Variants in SCIMP observed in about 807,000 individuals in gnomAD.
SCIMP encodes SLP adapter and CSK-interacting membrane protein.
A neutral mutation model predicts 22.0 loss-of-function variants in SCIMP; 18 were observed. The ratio of observed to expected loss-of-function variants is 0.82; its 90% CI spans 0.56 to 1.21. The LOEUF is 1.21. Ranked by LOEUF, SCIMP falls within the 50% of genes most tolerant of loss-of-function variation. The probability of loss-of-function intolerance (pLI) is 0.00; values close to 1 mark genes in which losing one functional copy is unlikely to be tolerated. For missense variants in SCIMP, 155 were observed against 171.2 expected (o/e 0.91, Z 0.53); for synonymous variants, 53 against 62.2 (o/e 0.85, Z 0.70).
chr17:5,219,733 C>A (rs1046961357), intron 3 of SCIMP, among the ~76,000 whole-genome samples: 2 of 152,100 alleles, frequency 1.3e-5, no homozygotes, highest in Non-Finnish European at 2.9e-5. Context: ...TTTTTGTTTG[C>A]CTGGGGCCCT....
intron 2 of SCIMP, 84 bp downstream of exon 2, chr17:5,223,245 GGATT>G: frequency 7.0e-7 from 1 of 1,432,668 alleles, no homozygotes; most frequent in Non-Finnish European, 9.7e-7. Flanking sequence ...TTCAGGCCCA[GGATT>G]GATTTGCTTG....
rs1339856421 is a variant in SCIMP, at chr17:5,228,352, A to AAAG, written c.22-4897_22-4896insCTT. Among the ~76,000 whole-genome samples, 3 of 149,456 alleles carry AAAG rather than the reference A, an allele frequency of 2.0e-5. No individual in the cohort carries two copies. The East Asian group carries it at 6.0e-4, about 30-fold the overall frequency. On this transcript the variant is annotated intron_variant, in intron 1 of 4. Coordinates refer to ENST00000574081, the MANE Select transcript of SCIMP (RefSeq NM_207103.3). ...CAGAGCCAAATCTTGTCTCAAAAAA[A>AAAG]AAAAAAATGCATTGAGCACAGTGGC...
At chr17:5,226,789 A>C (rs1264479489) in intron 1 of SCIMP, among the ~76,000 whole-genome samples, 1 of 151,908 alleles carries the variant, frequency 6.6e-6, no homozygotes. Flanking sequence ...GATTACAGGC[A>C]TGAGCCACCA....
intron 4 of SCIMP, among the ~76,000 whole-genome samples, chr17:5,212,121 A>G (rs2074530341): frequency 6.6e-6 from 1 of 152,202 alleles, no homozygotes; most frequent in Non-Finnish European, 1.5e-5. Flanking sequence ...TAATAGAAGG[A>G]TGATGAAACA....
At chr17:5,231,021 A>C (rs941822696) in intron 1 of SCIMP, among the ~76,000 whole-genome samples, 1 of 152,208 alleles carries the variant, frequency 6.6e-6, no homozygotes, top group Non-Finnish European at 1.5e-5. Context: ...TTCCTGCTGG[A>C]TAACATCTCT....
intron 1 of SCIMP, 68 bp downstream of exon 1, chr17:5,234,667 G>T: frequency 1.3e-6 from 2 of 1,547,682 alleles, no homozygotes; most frequent in East Asian, 2.3e-5. Context: ...ACGCCCTGAT[G>T]CCAGCGCTGG....
intron 1 of SCIMP, among the ~76,000 whole-genome samples, chr17:5,224,739 G>A (rs1234885914): frequency 6.6e-6 from 1 of 152,202 alleles, no homozygotes; most frequent in Non-Finnish European, 1.5e-5. Flanking sequence ...ATAGGTGCAA[G>A]CCACCATGCC....
intron 3 of SCIMP, among the ~76,000 whole-genome samples, chr17:5,217,971 C>G (rs1255923252): frequency 6.6e-6 from 1 of 152,028 alleles, no homozygotes; most frequent in Non-Finnish European, 1.5e-5. Context: ...AGTTCTAGAT[C>G]CCTGAGGAAT....
Position 5,234,819 on chromosome 17 carries a change from G to T in SCIMP, c.-64C>A, listed in dbSNP as rs2074731756. 10 of 1,576,372 alleles carry T rather than the reference G, an allele frequency of 6.3e-6. No homozygotes were observed. The highest frequency in any genetic ancestry group is 3.5e-4 in the Middle Eastern group (2 of 5,736). ...GCAGCTCAGGCACAGCTGGTGAGAG[G>T]CATTCCTCACTCACAGGCCTTCACC... is the stretch of plus-strand genomic sequence containing the variant. On this transcript the variant is annotated 5_prime_UTR_variant, in exon 1 of 5. Transcript: ENST00000574081.
At chr17:5,221,118 G>A (rs2074603779) in intron 3 of SCIMP, 169 bp downstream of exon 3, 1 of 701,950 alleles carries the variant, frequency 1.4e-6, no homozygotes. Flanking sequence ...CATCGACAAT[G>A]TCCTGAGTCT....
intron 3 of SCIMP, 87 bp from the exon 4 acceptor site, chr17:5,215,085 G>A: frequency 1.2e-6 from 1 of 820,152 alleles, no homozygotes; most frequent in South Asian, 1.4e-5. Context: ...CAAGGAAAGT[G>A]AATGGGTTGA....
At chr17:5,211,754 G>C (rs568222965) in intron 4 of SCIMP, among the ~76,000 whole-genome samples, 2 of 152,154 alleles carry the variant, frequency 1.3e-5, no homozygotes, top group Admixed American at 6.6e-5. Context: ...GGTGGAATTA[G>C]TACAGAACAG....
chr17:5,213,207 A>C (rs1261464874), intron 4 of SCIMP: 1 of 983,456 alleles, frequency 1.0e-6, no homozygotes, highest in African/African-American at 1.8e-5. Context: ...CCCTTATATC[A>C]GGCTATTGGG....
At chr17:5,231,410 C>T (rs907108453) in intron 1 of SCIMP, among the ~76,000 whole-genome samples, 10 of 151,696 alleles carry the variant, frequency 6.6e-5, no homozygotes, top group African/African-American at 2.2e-4. Flanking sequence ...AACTTGGGGT[C>T]AGCTCTTATC....
Position 5,210,232 on chromosome 17 carries a change from G to A in SCIMP, c.*569C>T, listed in dbSNP as rs1236990870. 2.0e-5 allele frequency: 3 copies of A among 152,386 alleles called. No individual in the cohort carries two copies. Among genetic ancestry groups the A allele is most frequent in the Non-Finnish European group, 2.9e-5 (2 of 68,282 alleles). The allele number at this position is 152,386 out of a possible 1,614,324, so 9.4% of individuals were successfully genotyped here. A position where few individuals can be genotyped will look rare whatever the true frequency, so the allele number is the denominator to read the frequency against. ...GTGTCTAGGTGGGGAGGGTTCACGAGAACAAAAGGTACTCCCTGCCCTTGC... is the reference window on the plus strand; with the variant it reads ...GTGTCTAGGTGGGGAGGGTTCACGAAAACAAAAGGTACTCCCTGCCCTTGC... On this transcript the variant is annotated 3_prime_UTR_variant, in exon 5 of 5. Transcript: ENST00000574081.
In SCIMP at chr17:5,209,464, G is replaced by A. The variant is rs936444302; in HGVS notation, c.*1337C>T. 2 of 152,218 alleles carry A rather than the reference G, an allele frequency of 1.3e-5. No homozygotes were observed. The highest frequency in any genetic ancestry group is 4.8e-5 in the African/African-American group (2 of 41,434). The allele number at this position is 152,218 out of a possible 1,614,324, so 9.4% of individuals were successfully genotyped here. On this transcript the variant is annotated 3_prime_UTR_variant, in exon 5 of 5. Transcript: ENST00000574081. ...AGAGAGAACCAGGGAGGAAGCCCAG[G>A]TCCCCAGTGCTCCAGCGTTGATTGA...
At chr17:5,231,793 G>A (rs543976692) in intron 1 of SCIMP, among the ~76,000 whole-genome samples, 4 of 152,316 alleles carry the variant, frequency 2.6e-5, no homozygotes, top group South Asian at 2.1e-4. Flanking sequence ...GGTGGCTCAC[G>A]CCTGTAATCC....
At chr17:5,231,486 T>A (rs2074693753) in intron 1 of SCIMP, among the ~76,000 whole-genome samples, 1 of 152,172 alleles carries the variant, frequency 6.6e-6, no homozygotes, top group Non-Finnish European at 1.5e-5. Flanking sequence ...GTAGGTGACG[T>A]TTGATGTCAG....
chr17:5,211,918 G>A (rs961461742), intron 4 of SCIMP, among the ~76,000 whole-genome samples: 2 of 152,002 alleles, frequency 1.3e-5, no homozygotes, highest in African/African-American at 4.8e-5. Context: ...CGTGATGGCG[G>A]GTGCCTATAA....
Sources: gnomAD v4.1 joint callset for allele counts (sites outside exome capture counted in the v4.1 genomes callset) on GRCh38, gnomAD v4.1.1 for gene constraint, MANE v1.5 for transcripts, NCBI Gene and HGNC (gene_info 2026-07-23, HGNC 2026-07-21) for gene names.